MSH3: variants seen among roughly 807,000 people sequenced by gnomAD.
MSH3 encodes the protein mutS homolog 3, also known as DNA mismatch repair protein Msh3.
In MSH3, 106 loss-of-function variants were observed where a neutral mutation model predicts 123.3. The observed-to-expected ratio is 0.86, with a 90% CI of 0.73 to 1.01. The LOEUF (loss-of-function observed/expected upper bound fraction) is 1.01, where lower values mean the gene tolerates loss of function less well. Ranked by LOEUF, MSH3 falls within the 50% of genes least tolerant of loss-of-function variation. The pLI, the probability that MSH3 is intolerant of heterozygous loss-of-function variation, is 0.00. For missense variants in MSH3, 1,459 were observed against 1,347.6 expected (o/e 1.08, Z -1.29); for synonymous variants, 515 against 481.4 (o/e 1.07, Z -0.91).
intron 19 of MSH3, among the ~76,000 whole-genome samples, chr5:80,808,873 A>G (rs201277647): frequency 2.2e-5 from 3 of 137,044 alleles, no homozygotes; most frequent in African/African-American, 8.1e-5. Context: ...ATATATATAT[A>G]TATATATATA....
Position 80,779,725 on chromosome 5 carries a change from A to AT in MSH3, c.2435+901dup, listed in dbSNP as rs556394162. ...AGGCGCACACCGCCACGCCCTGCTA[A>AT]TTTTTTTTTTTTGTATTTTTAATAG... is the stretch of plus-strand genomic sequence containing the variant. On this transcript the variant is annotated intron_variant, in intron 17 of 23. Coordinates refer to ENST00000265081, the MANE Select transcript of MSH3 (RefSeq NM_002439.5). Among the ~76,000 whole-genome samples the AT allele has an allele frequency of 2.7e-3, 391 of 143,526 alleles. 2 individuals are homozygous for AT. The highest frequency in any genetic ancestry group is 0.021 in the East Asian group (104 of 4,886). The allele number at this position is 143,526 out of a possible 152,430, so 94.2% of individuals were successfully genotyped here.
In MSH3 at chr5:80,654,705, C is replaced by A; in HGVS notation, c.-23C>A. The A allele has an allele frequency of 6.3e-7, 1 of 1,581,230 alleles. No individual in the cohort carries two copies. Among genetic ancestry groups the A allele is most frequent in the Non-Finnish European group, 8.6e-7 (1 of 1,166,778 alleles). ...CGCGCTCCTCGCCAGGCCCTGCCGCCGGGCTGCCATCCTTGCCCTGCCATG... is the reference window on the plus strand; with the variant it reads ...CGCGCTCCTCGCCAGGCCCTGCCGCAGGGCTGCCATCCTTGCCCTGCCATG... On this transcript the variant is annotated 5_prime_UTR_variant, in exon 1 of 24. Transcript: ENST00000265081.
At chr5:80,701,270 A>G (rs1416997577) in intron 8 of MSH3, among the ~76,000 whole-genome samples, 1 of 152,224 alleles carries the variant, frequency 6.6e-6, no homozygotes, top group Non-Finnish European at 1.5e-5. Context: ...GAGTCCCATC[A>G]TTCTTGAAGA....
intron 9 of MSH3, among the ~76,000 whole-genome samples, chr5:80,726,489 T>G (rs890593529): frequency 6.6e-6 from 1 of 152,148 alleles, no homozygotes; most frequent in Non-Finnish European, 1.5e-5. Context: ...TTTTTTTCTG[T>G]AAGGTCTCAC....
intron 19 of MSH3, among the ~76,000 whole-genome samples, chr5:80,800,834 T>G (rs1358762859): frequency 6.6e-6 from 1 of 152,126 alleles, no homozygotes; most frequent in Non-Finnish European, 1.5e-5. Context: ...GAAGTGAGAT[T>G]GGTAATAAAT....
chr5:80,869,110 T>C (rs1224873684), intron 22 of MSH3, among the ~76,000 whole-genome samples: 4 of 152,218 alleles, frequency 2.6e-5, no homozygotes, highest in African/African-American at 9.7e-5. Context: ...TTCCAATCTG[T>C]ATGATCTTGA....
At position 80,781,519 on chromosome 5, in the gene MSH3, G is replaced by A. The variant is rs533006845; in HGVS notation, c.2435+2683G>A. On this transcript the variant is annotated intron_variant, in intron 17 of 23. Coordinates refer to ENST00000265081, the MANE Select transcript of MSH3 (RefSeq NM_002439.5). ...TCCTCGCTCTGCCACCCAGGCTGGA[G>A]TGCAGTGATACAATCATGACTCATT... is the stretch of plus-strand genomic sequence containing the variant. Among the ~76,000 whole-genome samples the A allele has an allele frequency of 5.5e-4, 82 of 150,286 alleles. 1 individual carries two copies. The highest frequency in any genetic ancestry group is 1.0e-3 in the Non-Finnish European group (69 of 67,832).
intron 20 of MSH3, among the ~76,000 whole-genome samples, chr5:80,850,729 G>A (rs558646699): frequency 1.2e-4 from 19 of 152,272 alleles, no homozygotes; most frequent in African/African-American, 4.6e-4. Flanking sequence ...ATGTGGCTGG[G>A]GACACAGAGC....
chr5:80,758,215 T>C (rs1348461224), intron 12 of MSH3, among the ~76,000 whole-genome samples: 1 of 152,192 alleles, frequency 6.6e-6, no homozygotes, highest in African/African-American at 2.4e-5. Flanking sequence ...TACATATCTA[T>C]GCCCTAAGGT....
intron 17 of MSH3, among the ~76,000 whole-genome samples, chr5:80,782,592 A>G (rs1344469303): frequency 1.3e-5 from 2 of 152,188 alleles, no homozygotes; most frequent in Non-Finnish European, 2.9e-5. Flanking sequence ...GGGATGACTG[A>G]GCATGATTTC....
At chr5:80,659,741 T>G (rs1361911675) in intron 2 of MSH3, among the ~76,000 whole-genome samples, 1 of 152,202 alleles carries the variant, frequency 6.6e-6, no homozygotes, top group Non-Finnish European at 1.5e-5. Context: ...GAACTCATTT[T>G]ATCTTGCATT....
intron 12 of MSH3, among the ~76,000 whole-genome samples, chr5:80,760,323 G>A (rs1385150357): frequency 1.3e-5 from 2 of 152,138 alleles, no homozygotes; most frequent in Non-Finnish European, 2.9e-5. Context: ...TACCTAGTGT[G>A]GGCCTTTGAT....
At chr5:80,839,747 T>TA (rs1745583690) in intron 20 of MSH3, among the ~76,000 whole-genome samples, 1 of 152,146 alleles carries the variant, frequency 6.6e-6, no homozygotes, top group African/African-American at 2.4e-5. Context: ...GTTTTTAATA[T>TA]AAAAAGTGAC....
At chr5:80,846,652 G>C (rs937093523) in intron 20 of MSH3, among the ~76,000 whole-genome samples, 1 of 152,214 alleles carries the variant, frequency 6.6e-6, no homozygotes, top group Admixed American at 6.5e-5. Flanking sequence ...AAGCCACAAC[G>C]TCGCAGGTTG....
rs186802997 is a variant in MSH3 at position 80,742,479 on chromosome 5, C to A, written c.1653+931C>A. On this transcript the variant is annotated intron_variant, in intron 11 of 23. Transcript: ENST00000265081. ...AAGTAATAGAGATAAAAAGCAACCC[C>A]ACGTCATTTGATTAAGTACTGGAGA... 3.8e-3 allele frequency among the ~76,000 whole-genome samples: 582 copies of A among 152,242 alleles called. 4 individuals carry two copies. Among genetic ancestry groups the A allele is most frequent in the African/African-American group, 0.013 (543 of 41,544 alleles).
At chr5:80,743,976 T>G (rs1743665180) in intron 11 of MSH3, among the ~76,000 whole-genome samples, 1 of 152,182 alleles carries the variant, frequency 6.6e-6, no homozygotes, top group African/African-American at 2.4e-5. Flanking sequence ...TAGTTAATTG[T>G]GATTTTTTTT....
At chr5:80,786,589 A>G (rs1273235357) in intron 17 of MSH3, among the ~76,000 whole-genome samples, 1 of 152,218 alleles carries the variant, frequency 6.6e-6, no homozygotes, top group Non-Finnish European at 1.5e-5. Context: ...GTTACTATAA[A>G]GATTTAAGCT....
chr5:80,854,125 T>C lies in MSH3; in HGVS notation c.2814-5T>C, dbSNP rs1351333365. On this transcript the variant is annotated splice_region_variant and splice_polypyrimidine_tract_variant and intron_variant, in intron 20 of 23. Transcript: ENST00000265081. ...AAAATCAAGGTGTTTTCATCTTGCT[T>C]GTAGGATGGGTGCTGCAGACAATAT... The C allele has an allele frequency of 6.2e-7, 1 of 1,612,364 alleles. No individual in the cohort carries two copies. The highest frequency in any genetic ancestry group is 8.5e-7 in the Non-Finnish European group (1 of 1,178,650).
At chr5:80,656,583 G>T (rs199936248) in intron 2 of MSH3, 52 bp downstream of exon 2, 331 of 1,610,828 alleles carry the variant, frequency 2.1e-4, no homozygotes, top group Middle Eastern at 3.3e-4. Context: ...TGGTATTCTG[G>T]AATTCTCCAG....
Sources: gnomAD v4.1 joint callset for allele counts (sites outside exome capture counted in the v4.1 genomes callset) on GRCh38, gnomAD v4.1.1 for gene constraint, MANE v1.5 for transcripts, NCBI Gene and HGNC (gene_info 2026-07-23, HGNC 2026-07-21) for gene names.